FAM171A1: variants seen among roughly 807,000 people sequenced by gnomAD.
FAM171A1 encodes family with sequence similarity 171 member A1, also known as protein FAM171A1.
FAM171A1 carries 23 observed loss-of-function variants against 74.9 expected under a neutral mutation model. The ratio of observed to expected loss-of-function variants is 0.31; its 90% CI spans 0.22 to 0.44. FAM171A1 has a LOEUF of 0.44. FAM171A1 is among the 20% of genes least tolerant of loss of function. The probability of loss-of-function intolerance (pLI) is 1.00; values close to 1 mark genes in which losing one functional copy is unlikely to be tolerated. For missense variants in FAM171A1, 1,162 were observed against 1,159.2 expected, an observed-to-expected ratio of 1.00 and a Z score of -0.03; for synonymous variants, 527 against 505.7, an observed-to-expected ratio of 1.04 and a Z score of -0.57.
chr10:15,236,554 C>T lies in FAM171A1; in HGVS notation c.754+12085G>A, dbSNP rs1166383665. On this transcript the variant is annotated intron_variant, in intron 5 of 7. Transcript: ENST00000378116. The stretch of plus-strand genomic sequence containing the variant: ...GAGGAGCCGGCATTCAAGACCAAGC[C>T]GTCTCGGTGGCTGGGCTGCACACTG... 5.3e-5 allele frequency among the ~76,000 whole-genome samples: 8 copies of T among 152,100 alleles called. 1 individual carries two copies. In the South Asian group the frequency reaches 1.2e-3, roughly 24 times the overall value.
Position 15,267,278 on chromosome 10 carries a change from G to A in FAM171A1, c.418+8577C>T, listed in dbSNP as rs78051184. On this transcript the variant is annotated intron_variant, in intron 3 of 7. Transcript: ENST00000378116. Reference sequence around the variant, plus strand: ...AACCGATGACTGTGACATCAGGCTCGCTGCAGCCATATTCCACTCATGGAG... The same window carrying A: ...AACCGATGACTGTGACATCAGGCTCACTGCAGCCATATTCCACTCATGGAG... Among the ~76,000 whole-genome samples the A allele has an allele frequency of 3.1e-3, 474 of 152,222 alleles. 2 individuals carry two copies. Among genetic ancestry groups the A allele is most frequent in the African/African-American group, 0.011 (453 of 41,516 alleles).
intron 3 of FAM171A1, among the ~76,000 whole-genome samples, chr10:15,269,337 T>C (rs1044211360): frequency 6.6e-6 from 1 of 151,932 alleles, no homozygotes; most frequent in Non-Finnish European, 1.5e-5. Context: ...CTGGCTGATC[T>C]TGAATGCCTG....
At chr10:15,323,187 G>C (rs1835507979) in intron 1 of FAM171A1, among the ~76,000 whole-genome samples, 1 of 150,506 alleles carries the variant, frequency 6.6e-6, no homozygotes, top group Non-Finnish European at 1.5e-5. Flanking sequence ...GGGTGTGGTG[G>C]CTCATGCCTG....
chr10:15,351,622 T>C (rs1835880122), intron 1 of FAM171A1, among the ~76,000 whole-genome samples: 1 of 151,182 alleles, frequency 6.6e-6, no homozygotes, highest in Non-Finnish European at 1.5e-5. Context: ...CATGGATGGA[T>C]GCATGGATAG....
rs986728042 is a variant in FAM171A1 at position 15,245,051 on chromosome 10, CT to C, written c.754+3587del. ...TAAACTGTTCAGCCAGTTGACTTTG[CT>C]TTTTTTTTTCTTATTTATTTATTTA... On this transcript the variant is annotated intron_variant, in intron 5 of 7. Coordinates refer to ENST00000378116, the MANE Select transcript of FAM171A1 (RefSeq NM_001010924.2). Among the ~76,000 whole-genome samples the C allele has an allele frequency of 5.4e-5, 8 of 148,840 alleles. No individual in the cohort carries two copies. The South Asian group carries it at 8.5e-4, about 16-fold the overall frequency.
Position 15,346,903 on chromosome 10 carries a change from G to C in FAM171A1, c.97+24053C>G, listed in dbSNP as rs1374415901. Among the ~76,000 whole-genome samples the C allele has an allele frequency of 4.6e-5, 7 of 152,260 alleles. No homozygotes were observed. In the East Asian group the frequency reaches 1.2e-3, roughly 25 times the overall value. On this transcript the variant is annotated intron_variant, in intron 1 of 7. Coordinates refer to ENST00000378116, the MANE Select transcript of FAM171A1 (RefSeq NM_001010924.2). ...TGGAGAATTCCACCGCTTTAGCAGT[G>C]CCCGAGCCACTTTCTACAGAGGGAC...
At chr10:15,290,413 A>G (rs1443525289) in intron 1 of FAM171A1, among the ~76,000 whole-genome samples, 3 of 152,104 alleles carry the variant, frequency 2.0e-5, no homozygotes, top group African/African-American at 7.2e-5. Flanking sequence ...TTCCTTTAAA[A>G]GGCTGCAGTA....
intron 3 of FAM171A1, among the ~76,000 whole-genome samples, chr10:15,268,682 G>A (rs899612673): frequency 6.6e-6 from 1 of 152,074 alleles, no homozygotes; most frequent in African/African-American, 2.4e-5. Context: ...AGATGTTTAG[G>A]ACCAGAAAGA....
At chr10:15,339,387 G>A (rs1029155810) in intron 1 of FAM171A1, among the ~76,000 whole-genome samples, 4 of 152,082 alleles carry the variant, frequency 2.6e-5, no homozygotes, top group Non-Finnish European at 4.4e-5. Flanking sequence ...TCATTACAGC[G>A]CCTTAGCTCC....
chr10:15,259,858 C>T (rs955900664), intron 3 of FAM171A1, among the ~76,000 whole-genome samples: 4 of 151,602 alleles, frequency 2.6e-5, no homozygotes, highest in African/African-American at 9.7e-5. Flanking sequence ...TCTTCACTTG[C>T]TCTGTCACCC....
chr10:15,301,363 T>TATATATATA (rs386361679), intron 1 of FAM171A1, among the ~76,000 whole-genome samples: 4 of 119,750 alleles, frequency 3.3e-5, no homozygotes, highest in African/African-American at 9.8e-5. Flanking sequence ...TATATATATA[T>TATATATATA]TTTTTTTTTT....
chr10:15,326,367 T>C (rs1357089779), intron 1 of FAM171A1, among the ~76,000 whole-genome samples: 1 of 152,028 alleles, frequency 6.6e-6, no homozygotes, highest in Non-Finnish European at 1.5e-5. Context: ...CAGGCTGGAG[T>C]GCAGTGGCAT....
intron 1 of FAM171A1, among the ~76,000 whole-genome samples, chr10:15,297,215 C>T (rs574832353): frequency 1.8e-4 from 27 of 152,060 alleles, no homozygotes; most frequent in South Asian, 6.2e-4. Flanking sequence ...CACACCACCA[C>T]GCCTGGTTAA....
chr10:15,371,053 C>G lies in FAM171A1; in HGVS notation c.-1G>C. 1 of 1,102,798 alleles carries G rather than the reference C, an allele frequency of 9.1e-7. No individual in the cohort carries two copies. The highest frequency in any genetic ancestry group is 1.7e-5 in the African/African-American group (1 of 59,186). The allele number at this position is 1,102,798 out of a possible 1,614,324, so 68.3% of individuals were successfully genotyped here. ...GCAGCAGCGTCGCGGACCTGCTCAT[C>G]TCCGCCGCGGGGCCGGCGGCGGCTC... is the stretch of plus-strand genomic sequence containing the variant. On this transcript the variant is annotated 5_prime_UTR_variant, in exon 1 of 8. Transcript: ENST00000378116.
intron 2 of FAM171A1, among the ~76,000 whole-genome samples, chr10:15,277,852 G>A (rs1476697869): frequency 1.3e-5 from 2 of 152,074 alleles, no homozygotes; most frequent in African/African-American, 2.4e-5. Flanking sequence ...TGCCTCCCAC[G>A]TTCAAGCTAT....
chr10:15,289,833 G>A (rs183401322), intron 1 of FAM171A1, among the ~76,000 whole-genome samples: 16 of 152,292 alleles, frequency 1.1e-4, no homozygotes, highest in East Asian at 5.8e-4. Context: ...ACACAGCCAC[G>A]CCCCATCATT....
At chr10:15,269,876 G>A (rs911493544) in intron 3 of FAM171A1, among the ~76,000 whole-genome samples, 2 of 152,226 alleles carry the variant, frequency 1.3e-5, no homozygotes, top group Non-Finnish European at 2.9e-5. Flanking sequence ...CCCAGCTGTG[G>A]ATAAATTCAC....
chr10:15,317,498 G>A (rs759502264), intron 1 of FAM171A1, among the ~76,000 whole-genome samples: 10 of 152,034 alleles, frequency 6.6e-5, no homozygotes, highest in Non-Finnish European at 1.3e-4. Flanking sequence ...AGGTTCAAGC[G>A]ACTCTCCTGC....
chr10:15,328,685 G>T (rs991238694), intron 1 of FAM171A1, among the ~76,000 whole-genome samples: 4 of 152,278 alleles, frequency 2.6e-5, no homozygotes, highest in African/African-American at 9.6e-5. Context: ...CAGCTTCCTT[G>T]ATTTCCTCAC....
Sources: gnomAD v4.1 joint callset for allele counts (sites outside exome capture counted in the v4.1 genomes callset) on GRCh38, gnomAD v4.1.1 for gene constraint, MANE v1.5 for transcripts, NCBI Gene and HGNC (gene_info 2026-07-23, HGNC 2026-07-21) for gene names.